The following OPHN1 variants were observed in gnomAD, a reference collection of about 807,000 sequenced individuals.
OPHN1 encodes oligophrenin-1.
A neutral mutation model predicts 60.7 loss-of-function variants in OPHN1; 11 were observed. The observed-to-expected ratio is 0.18, with a 90% CI of 0.11 to 0.30. The LOEUF is 0.30. OPHN1 is among the 10% of genes least tolerant of loss of function. OPHN1 has a pLI of 1.00. For synonymous variants in OPHN1, 226 were observed against 222.6 expected, an observed-to-expected ratio of 1.02 and a Z score of -0.14; for missense variants, 449 against 611.0, an observed-to-expected ratio of 0.73 and a Z score of 2.80.
chrX:68,080,373 G>A (rs2147380407), intron 19 of OPHN1, among the ~76,000 whole-genome samples: 1 of 111,973 alleles, frequency 8.9e-6, no homozygotes, highest in East Asian at 2.8e-4. Flanking sequence ...TCTATACACA[G>A]AACACTTTCA....
At chrX:68,268,435 C>T (rs1050999732) in intron 5 of OPHN1, among the ~76,000 whole-genome samples, 16 of 111,946 alleles carry the variant, frequency 1.4e-4, no homozygotes, top group South Asian at 3.7e-4. Context: ...GCTGGTTCAA[C>T]ATATGCAAAT....
At chrX:68,400,081 T>C (rs1602389290) in intron 2 of OPHN1, among the ~76,000 whole-genome samples, 1 of 111,150 alleles carries the variant, frequency 9.0e-6, no homozygotes, top group African/African-American at 3.3e-5. Context: ...AGACTGACTC[T>C]GGGCTACCAC....
At chrX:68,405,176 C>T (rs1386102638) in intron 2 of OPHN1, among the ~76,000 whole-genome samples, 1 of 112,072 alleles carries the variant, frequency 8.9e-6, no homozygotes, top group African/African-American at 3.2e-5. Context: ...ACAGCATTTG[C>T]TCTTCCATCT....
At chrX:68,323,690 GA>G (rs1187068520) in intron 2 of OPHN1, among the ~76,000 whole-genome samples, 2 of 111,299 alleles carry the variant, frequency 1.8e-5, no homozygotes, top group Admixed American at 9.6e-5. Context: ...AAATGTACAA[GA>G]AAAAAATTAT....
intron 2 of OPHN1, among the ~76,000 whole-genome samples, chrX:68,336,248 G>A (rs2078321596): frequency 9.0e-6 from 1 of 110,794 alleles, no homozygotes; most frequent in Non-Finnish European, 1.9e-5. Flanking sequence ...TATAGGCCAG[G>A]AACAGTGTTC....
chrX:68,087,589 AT>A (rs2077000331), intron 19 of OPHN1, among the ~76,000 whole-genome samples: 1 of 112,278 alleles, frequency 8.9e-6, no homozygotes, highest in African/African-American at 3.2e-5. Flanking sequence ...ATCCAGACCC[AT>A]TCTAACTCTT....
intron 15 of OPHN1, among the ~76,000 whole-genome samples, chrX:68,138,656 T>C (rs998492240): frequency 1.8e-5 from 2 of 112,375 alleles, no homozygotes; most frequent in African/African-American, 6.5e-5. Context: ...TAATGTACAC[T>C]GAATACCTAC....
chrX:68,309,550 C>T (rs899038691), intron 2 of OPHN1, among the ~76,000 whole-genome samples: 2 of 111,898 alleles, frequency 1.8e-5, no homozygotes, highest in East Asian at 5.6e-4. Context: ...TCATTATTTA[C>T]GGATTCTATA....
At chrX:68,095,618 G>A (rs2077035491) in intron 19 of OPHN1, among the ~76,000 whole-genome samples, 1 of 111,003 alleles carries the variant, frequency 9.0e-6, no homozygotes, top group African/African-American at 3.3e-5. Flanking sequence ...TATGTATAAG[G>A]ACAGCCCCAT....
intron 2 of OPHN1, among the ~76,000 whole-genome samples, chrX:68,405,633 T>C (rs750356103): frequency 9.0e-6 from 1 of 111,676 alleles, no homozygotes; most frequent in Non-Finnish European, 1.9e-5. Flanking sequence ...ATCCCCACTC[T>C]GTTGGAAGCA....
intron 2 of OPHN1, among the ~76,000 whole-genome samples, chrX:68,311,097 C>CAA (rs58371159): frequency 9.4e-6 from 1 of 106,713 alleles, no homozygotes; most frequent in African/African-American, 3.4e-5. Flanking sequence ...TCTACCCCTT[C>CAA]AAAAAAAAAA....
intron 22 of OPHN1, 84 bp from the exon 23 acceptor site, chrX:68,052,674 C>T: frequency 2.3e-6 from 2 of 883,858 alleles, no homozygotes; most frequent in South Asian, 4.2e-5. Flanking sequence ...ACAGGAGACT[C>T]TGAACCAGAT....
At chrX:68,080,657 G>A (rs1218489172) in intron 19 of OPHN1, among the ~76,000 whole-genome samples, 1 of 111,991 alleles carries the variant, frequency 8.9e-6, no homozygotes, top group Non-Finnish European at 1.9e-5. Flanking sequence ...AGTAAATGGG[G>A]ACAAATGGAA....
At chrX:68,170,633 G>T (rs2077385659) in intron 15 of OPHN1, among the ~76,000 whole-genome samples, 1 of 109,751 alleles carries the variant, frequency 9.1e-6, no homozygotes, top group Non-Finnish European at 1.9e-5. Context: ...CCTTTGTAGG[G>T]ACATGTATGA....
At chrX:68,281,656 T>C (rs2078019867) in intron 4 of OPHN1, among the ~76,000 whole-genome samples, 1 of 111,597 alleles carries the variant, frequency 9.0e-6, no homozygotes, top group Admixed American at 9.5e-5. Context: ...GAGGAGAAAA[T>C]CTTTGCAAAT....
Position 68,201,708 on chromosome X carries a change from C to A in OPHN1, c.936G>T (p.Gly312=). ...AGTACTTCAGTGTTAAGTCCAAGGG[C>A]CCCTGATATGAAACAAGAATTAACA... ...PMEQKPGAKQ[G]PLDLTLKYCV... is the part of the protein sequence containing the mutation. Residue 312 remains glycine, a splice_region_variant and synonymous_variant, in exon 11 of 25, where the codon GGG becomes GGT. Coordinates refer to ENST00000355520, the MANE Select transcript of OPHN1 (RefSeq NM_002547.3). 8.3e-7 allele frequency: 1 copy of A among 1,199,101 alleles called. No individual in the cohort carries two copies. The highest frequency in any genetic ancestry group is 1.1e-6 in the Non-Finnish European group (1 of 884,407).
intron 10 of OPHN1, among the ~76,000 whole-genome samples, chrX:68,202,298 G>T (rs182186096): frequency 8.9e-6 from 1 of 111,758 alleles, no homozygotes; most frequent in African/African-American, 3.2e-5. Context: ...AGTCATGGTA[G>T]CATTTGATAT....
At chrX:68,088,091 T>C (rs754569441) in intron 19 of OPHN1, among the ~76,000 whole-genome samples, 64 of 111,452 alleles carry the variant, frequency 5.7e-4, no homozygotes, top group African/African-American at 1.9e-3. Flanking sequence ...TCATCCAATA[T>C]ACTTATGGGA....
chrX:68,388,155 C>A (rs747806513), intron 2 of OPHN1, among the ~76,000 whole-genome samples: 134 of 102,846 alleles, frequency 1.3e-3, no homozygotes, highest in African/African-American at 4.4e-3. Context: ...TAAAGGGTCT[C>A]GTATGCCTAT....
Sources: gnomAD v4.1 joint callset for allele counts (sites outside exome capture counted in the v4.1 genomes callset) on GRCh38, gnomAD v4.1.1 for gene constraint, MANE v1.5 for transcripts, NCBI Gene and HGNC (gene_info 2026-07-23, HGNC 2026-07-21) for gene names.